Variants in SLC25A17 observed in about 807,000 individuals in gnomAD.
SLC25A17 encodes peroxisomal membrane protein PMP34.
SLC25A17 carries 26 observed loss-of-function variants against 38.5 expected under a neutral mutation model. The ratio of observed to expected loss-of-function variants is 0.68; its 90% CI spans 0.50 to 0.94. The LOEUF (loss-of-function observed/expected upper bound fraction) is 0.94. SLC25A17 is among the 40% of genes least tolerant of loss of function. SLC25A17 has a pLI of 0.00. For synonymous variants in SLC25A17, 139 were observed against 136.2 expected (o/e 1.02, Z -0.14); for missense variants, 333 against 372.7 (o/e 0.89, Z 0.88).
At chr22:40,800,234 T>A (rs1311935420) in intron 1 of SLC25A17, among the ~76,000 whole-genome samples, 2 of 152,150 alleles carry the variant, frequency 1.3e-5, no homozygotes, top group African/African-American at 4.8e-5. Flanking sequence ...AGGTCCTATA[T>A]AAAAACCACA....
intron 1 of SLC25A17, among the ~76,000 whole-genome samples, chr22:40,801,099 C>G (rs1407787066): frequency 9.5e-6 from 1 of 104,924 alleles, no homozygotes; most frequent in African/African-American, 3.6e-5. Context: ...GACTCTGTCT[C>G]AAAAAAGAAA....
intron 1 of SLC25A17, among the ~76,000 whole-genome samples, chr22:40,799,848 A>C (rs1037991262): frequency 4.6e-5 from 7 of 152,190 alleles, no homozygotes; most frequent in Non-Finnish European, 4.4e-5. Flanking sequence ...TCAGACACTG[A>C]AAAAGAAAAC....
chr22:40,790,628 G>C (rs1393867101), intron 4 of SLC25A17, among the ~76,000 whole-genome samples: 1 of 152,170 alleles, frequency 6.6e-6, no homozygotes, highest in Non-Finnish European at 1.5e-5. Flanking sequence ...AAGATGAACA[G>C]GACAGAGAGA....
chr22:40,782,859 T>A (rs1435061049), intron 4 of SLC25A17, among the ~76,000 whole-genome samples: 1 of 152,230 alleles, frequency 6.6e-6, no homozygotes, highest in Non-Finnish European at 1.5e-5. Flanking sequence ...ATTTATCTGT[T>A]AAGGTTCTGT....
Position 40,771,171 on chromosome 22 carries a change from G to A in SLC25A17, c.777-190C>T, listed in dbSNP as rs147956491. Among the ~76,000 whole-genome samples the A allele has an allele frequency of 6.4e-3, 968 of 152,238 alleles. 6 individuals carry two copies. Among genetic ancestry groups the A allele is most frequent in the Middle Eastern group, 0.01 (3 of 294 alleles). ...CGCCCAGGCTGGAGTGCAGTGGCGC[G>A]ATCTCGGCTCACTGCAAGCTCCGCC... On this transcript the variant is annotated intron_variant, in intron 8 of 8. Coordinates refer to ENST00000435456, the MANE Select transcript of SLC25A17 (RefSeq NM_006358.4).
At chr22:40,805,168 C>T (rs1027379410) in intron 1 of SLC25A17, among the ~76,000 whole-genome samples, 1 of 152,106 alleles carries the variant, frequency 6.6e-6, no homozygotes, top group Admixed American at 6.5e-5. Context: ...AATCCTATCT[C>T]TATTAAAAAT....
rs138709788 is a variant in SLC25A17, at chr22:40,813,298, G to T, written c.54+5897C>A. ...CACACCTGCAATCCCAGCACTTTGG[G>T]AGGCTGAGGTGGGTGGATCACTTGA... On this transcript the variant is annotated intron_variant, in intron 1 of 8. Transcript: ENST00000435456. Among the ~76,000 whole-genome samples, 842 of 152,246 alleles carry T rather than the reference G, an allele frequency of 5.5e-3. 11 individuals carry two copies. Among genetic ancestry groups the T allele is most frequent in the African/African-American group, 0.02 (817 of 41,546 alleles).
Position 40,779,010 on chromosome 22 carries a change from A to C in SLC25A17, c.450T>G (p.Ile150Met), listed in dbSNP as rs184464203. 1 of 1,610,976 alleles carries C rather than the reference A, an allele frequency of 6.2e-7. No individual in the cohort carries two copies. The highest frequency in any genetic ancestry group is 2.2e-5 in the East Asian group (1 of 44,850). ...DIVPTNYKGI[I>M]DAFHQIIRDE... ...GGAATTCAGCAAAGAGATACTTACC[A>C]ATGATACCTTTGTAGTTTGTTGGTA... is the stretch of plus-strand genomic sequence containing the variant. Residue 150 changes from isoleucine to methionine, a missense_variant and splice_region_variant, in exon 5 of 9, where the codon ATT becomes ATG. Transcript: ENST00000435456.
At chr22:40,793,925 G>T (rs923701371) in intron 3 of SLC25A17, among the ~76,000 whole-genome samples, 87 of 152,288 alleles carry the variant, frequency 5.7e-4, no homozygotes, top group African/African-American at 2.0e-3. Flanking sequence ...GTGTCATGGG[G>T]CTAAAAGGCT....
At chr22:40,798,187 G>A (rs554992858) in intron 2 of SLC25A17, 1 of 152,380 alleles carries the variant, frequency 6.6e-6, no homozygotes, top group Admixed American at 6.5e-5. Flanking sequence ...AATTCGAAGG[G>A]GCTGTTGATA....
chr22:40,802,291 A>G (rs2057490891), intron 1 of SLC25A17, among the ~76,000 whole-genome samples: 1 of 152,194 alleles, frequency 6.6e-6, no homozygotes, highest in African/African-American at 2.4e-5. Context: ...ACCAAGATAA[A>G]GAGAACAGTC....
rs1351666351 is a variant in SLC25A17, at chr22:40,789,261, G to A, written c.334+3264C>T. The A allele has an allele frequency of 9.7e-5, 16 of 165,458 alleles. No individual in the cohort carries two copies. The allele number at this position is 165,458 out of a possible 1,614,324, so 10.2% of individuals were successfully genotyped here. On this transcript the variant is annotated intron_variant, in intron 4 of 8. Coordinates refer to ENST00000435456, the MANE Select transcript of SLC25A17 (RefSeq NM_006358.4). The surrounding 1 kb of genome is among the most constrained non-coding windows in gnomAD (Gnocchi z 4.5). ...AGATGCTTCGTAATGCAGTCTGCTC[G>A]AGGCATGGGCTGCAGCCCGGTCCCT...
In SLC25A17 at chr22:40,770,767, C is replaced by T. The variant is rs946941733; in HGVS notation, c.*67G>A. On this transcript the variant is annotated 3_prime_UTR_variant, in exon 9 of 9. Transcript: ENST00000435456. ...GCAGGAGCCAGAGTCAAGGGAGAAT[C>T]ACTTCTCTTCACTCAGGAGGAAACC... is the stretch of plus-strand genomic sequence containing the variant. The T allele has an allele frequency of 2.6e-5, 39 of 1,473,354 alleles. No homozygotes were observed. Among genetic ancestry groups the T allele is most frequent in the Non-Finnish European group, 3.5e-5 (38 of 1,087,518 alleles). 91.3% of individuals were successfully genotyped at this position (1,473,354 alleles called of 1,614,324 possible).
At chr22:40,787,263 T>C (rs1360000605) in intron 4 of SLC25A17, among the ~76,000 whole-genome samples, 2 of 152,090 alleles carry the variant, frequency 1.3e-5, no homozygotes, top group African/African-American at 4.8e-5. Context: ...AGGAATGGGG[T>C]TACTACATGG....
chr22:40,779,017 C>A lies in SLC25A17; in HGVS notation c.443G>T (p.Gly148Val), dbSNP rs1297929345. The stretch of plus-strand genomic sequence containing the variant: ...AGCAAAGAGATACTTACCAATGATA[C>A]CTTTGTAGTTTGTTGGTACAATGTC... ...NEDIVPTNYK[G>V]IIDAFHQIIR... is the part of the protein sequence containing the mutation. The change falls in exon 5 of 9, where the codon GGT becomes GTT. Residue 148 changes from glycine to valine, a missense_variant. Transcript: ENST00000435456. The A allele has an allele frequency of 1.2e-6, 2 of 1,612,228 alleles. No individual in the cohort carries two copies. Among genetic ancestry groups the A allele is most frequent in the Admixed American group, 1.7e-5 (1 of 60,016 alleles).
At chr22:40,799,136 A>G in intron 1 of SLC25A17, 53 bp from the exon 2 acceptor site, 1 of 1,460,192 alleles carries the variant, frequency 6.8e-7, no homozygotes, top group Non-Finnish European at 9.5e-7. Context: ...TTTAAGTCAC[A>G]ACTTTTTTTT....
intron 7 of SLC25A17, among the ~76,000 whole-genome samples, chr22:40,775,162 T>G (rs1205673198): frequency 6.6e-6 from 1 of 152,190 alleles, no homozygotes; most frequent in Non-Finnish European, 1.5e-5. Context: ...GTGCTGAGGA[T>G]AAAAATCTAC....
chr22:40,777,674 T>TG (rs2057258653), intron 5 of SLC25A17, among the ~76,000 whole-genome samples: 1 of 148,966 alleles, frequency 6.7e-6, no homozygotes, highest in African/African-American at 2.5e-5. Flanking sequence ...CTCAGCTACT[T>TG]GGGGGGCTGA....
chr22:40,792,586 T>C lies in SLC25A17; in HGVS notation c.273A>G (p.Ala91=). 6.2e-7 allele frequency: 1 copy of C among 1,613,868 alleles called. No individual in the cohort carries two copies. Among genetic ancestry groups the C allele is most frequent in the Non-Finnish European group, 8.5e-7 (1 of 1,179,936 alleles). Reference sequence around the variant, plus strand: ...TAGAATGTTGACCTTTGACCCAGAGTGCTTTGAGGCTATTAAAAGTGTAGA... The same window carrying C: ...TAGAATGTTGACCTTTGACCCAGAGCGCTTTGAGGCTATTAAAAGTGTAGA... ...VYFYTFNSLK[A]LWVKGQHSTT... The change falls in exon 4 of 9, where the codon GCA becomes GCG. Residue 91 remains alanine, a synonymous_variant. Coordinates refer to ENST00000435456, the MANE Select transcript of SLC25A17 (RefSeq NM_006358.4).
Sources: allele counts gnomAD v4.1 joint callset (sites outside exome capture counted in the v4.1 genomes callset), GRCh38; gene constraint gnomAD v4.1.1; non-coding constraint Gnocchi (gnomAD v3.1); transcripts MANE v1.5; gene names NCBI Gene and HGNC (gene_info 2026-07-23, HGNC 2026-07-21).